Variants in IQCK observed in about 807,000 individuals in gnomAD.
The protein encoded by IQCK is IQ domain-containing protein K.
A neutral mutation model predicts 28.1 loss-of-function variants in IQCK; 29 were observed. That is an observed-to-expected ratio of 1.03 (90% confidence interval 0.77 to 1.41). The LOEUF (loss-of-function observed/expected upper bound fraction) is 1.41, where lower values mean the gene tolerates loss of function less well. IQCK is among the 40% of genes most tolerant of loss of function. The pLI, the probability that IQCK is intolerant of heterozygous loss-of-function variation, is 0.00. For missense variants in IQCK, 359 were observed against 314.7 expected, an observed-to-expected ratio of 1.14 and a Z score of -1.07; for synonymous variants, 113 against 115.1, an observed-to-expected ratio of 0.98 and a Z score of 0.12.
At chr16:19,805,091 T>G (rs879442613) in intron 7 of IQCK, among the ~76,000 whole-genome samples, 3 of 152,160 alleles carry the variant, frequency 2.0e-5, no homozygotes, top group African/African-American at 4.8e-5. Flanking sequence ...TCATTAGCCC[T>G]GTCTCTGGCT....
At chr16:19,810,738 G>A (rs1045973674) in intron 7 of IQCK, among the ~76,000 whole-genome samples, 12 of 151,390 alleles carry the variant, frequency 7.9e-5, no homozygotes, top group African/African-American at 2.4e-4. Flanking sequence ...CCTGGGAGGC[G>A]GAAGTTGTAG....
chr16:19,719,670 A>ATTTTTT (rs1204084614), intron 1 of IQCK, among the ~76,000 whole-genome samples: 2 of 126,604 alleles, frequency 1.6e-5, no homozygotes, highest in Non-Finnish European at 3.3e-5. Flanking sequence ...TTGGACTCAA[A>ATTTTTT]TTTTTTTTTT....
intron 4 of IQCK, among the ~76,000 whole-genome samples, chr16:19,738,604 GCTGATCATAGCAC>G (rs905433708): frequency 1.3e-4 from 20 of 152,142 alleles, no homozygotes; most frequent in African/African-American, 4.8e-4. Context: ...GTAAAATGAG[GCTGATCATAGCAC>G]CTGCTCATGG....
At chr16:19,839,800 G>C (rs2141109844) in intron 9 of IQCK, among the ~76,000 whole-genome samples, 1 of 152,026 alleles carries the variant, frequency 6.6e-6, no homozygotes. Context: ...AGACTAGCCT[G>C]GGCAGTGTTA....
intron 7 of IQCK, among the ~76,000 whole-genome samples, chr16:19,809,064 T>C (rs2055868604): frequency 6.6e-6 from 1 of 152,012 alleles, no homozygotes; most frequent in Non-Finnish European, 1.5e-5. Context: ...ACCATGTTGG[T>C]CAGGCTGGTC....
exon 1 of IQCK, chr16:19,718,284 C>G (rs1397943304): frequency 6.3e-7 from 1 of 1,589,700 alleles, no homozygotes; most frequent in Admixed American, 1.8e-5. Flanking sequence ...CCGGCGAACG[C>G]GGTTACCGTG....
chr16:19,728,874 C>G (rs185583590), intron 1 of IQCK, among the ~76,000 whole-genome samples: 1 of 152,326 alleles, frequency 6.6e-6, no homozygotes, highest in East Asian at 1.9e-4. Context: ...GGAGGAAATG[C>G]TGTACTGTCT....
At chr16:19,809,199 A>C (rs1375137755) in intron 7 of IQCK, among the ~76,000 whole-genome samples, 1 of 152,236 alleles carries the variant, frequency 6.6e-6, no homozygotes, top group Non-Finnish European at 1.5e-5. Flanking sequence ...CCTCCAGGGC[A>C]AAGTTTAAGG....
chr16:19,829,725 C>G (rs2056204478), downstream of IQCK, among the ~76,000 whole-genome samples: 1 of 152,178 alleles, frequency 6.6e-6, no homozygotes, highest in African/African-American at 2.4e-5. Context: ...GGCCTGTGCT[C>G]TCGGCTCTGG....
intron 4 of IQCK, among the ~76,000 whole-genome samples, chr16:19,758,794 G>C (rs2055090184): frequency 1.3e-5 from 2 of 152,124 alleles, no homozygotes; most frequent in Admixed American, 1.3e-4. Flanking sequence ...TGAGGTAAAA[G>C]ATTGCAGATA....
intron 9 of IQCK, among the ~76,000 whole-genome samples, chr16:19,855,859 G>A (rs1314173350): frequency 6.6e-6 from 1 of 152,158 alleles, no homozygotes; most frequent in Non-Finnish European, 1.5e-5. Context: ...TTAAAAGAGA[G>A]GGTCTTTCCA....
chr16:19,813,946 T>C (rs1194237605), intron 7 of IQCK, among the ~76,000 whole-genome samples: 1 of 152,032 alleles, frequency 6.6e-6, no homozygotes, highest in Non-Finnish European at 1.5e-5. Context: ...GGGCTGGGTG[T>C]GGTGGCTCAT....
chr16:19,840,149 AGT>A (rs1182995723), intron 9 of IQCK, among the ~76,000 whole-genome samples: 6 of 152,174 alleles, frequency 3.9e-5, no homozygotes, highest in Admixed American at 3.9e-4. Flanking sequence ...TGAGATCAGG[AGT>A]TCAAGACCAG....
chr16:19,813,552 A>G (rs1399595200), intron 7 of IQCK, among the ~76,000 whole-genome samples: 3 of 152,218 alleles, frequency 2.0e-5, no homozygotes, highest in Non-Finnish European at 4.4e-5. Flanking sequence ...ACCTAGAATT[A>G]TGTGCCTACT....
intron 7 of IQCK, among the ~76,000 whole-genome samples, chr16:19,821,616 G>C (rs999801863): frequency 6.6e-6 from 1 of 152,114 alleles, no homozygotes; most frequent in Non-Finnish European, 1.5e-5. Context: ...CATGAGAATC[G>C]CTTGAAAGTG....
downstream of IQCK, among the ~76,000 whole-genome samples, chr16:19,830,009 T>C (rs924307785): frequency 7.2e-6 from 1 of 137,950 alleles, no homozygotes; most frequent in South Asian, 2.3e-4. Context: ...TAAATATCAG[T>C]TGAACGAATG....
chr16:19,720,126 A>G (rs1339824600), intron 1 of IQCK, among the ~76,000 whole-genome samples: 1 of 152,244 alleles, frequency 6.6e-6, no homozygotes, highest in African/African-American at 2.4e-5. Flanking sequence ...CAGAGAAGGA[A>G]GAGAATAGTA....
At chr16:19,821,190 T>A (rs2056066719) in intron 7 of IQCK, among the ~76,000 whole-genome samples, 1 of 151,166 alleles carries the variant, frequency 6.6e-6, no homozygotes. Flanking sequence ...TAAGAAAAAA[T>A]TAAATTAAAT....
In IQCK at chr16:19,730,715, GTCTATCTA is replaced by G. The variant is rs60935548; in HGVS notation, c.246+225_246+232del. On this transcript the variant is annotated intron_variant, in intron 2 of 7. Coordinates refer to ENST00000564186, the Ensembl canonical transcript of IQCK. The stretch of plus-strand genomic sequence containing the variant: ...TGAGCATTAGTTTCGGCGTTTGTCT[GTCTATCTA>G]TCTGTCTGTCTGTCTGTCTGTCTAT... Among the ~76,000 whole-genome samples the G allele has an allele frequency of 2.0e-5, 3 of 150,332 alleles. No homozygotes were observed. The South Asian group carries it at 6.2e-4, about 31-fold the overall frequency.
Sources: allele counts gnomAD v4.1 joint callset (sites outside exome capture counted in the v4.1 genomes callset), GRCh38; gene constraint gnomAD v4.1.1; transcripts MANE v1.5; gene names NCBI Gene and HGNC (gene_info 2026-07-23, HGNC 2026-07-21).